The following ADAMTS6 variants were observed in gnomAD, a reference collection of about 807,000 sequenced individuals.
ADAMTS6 encodes A disintegrin and metalloproteinase with thrombospondin motifs 6.
In ADAMTS6, 23 loss-of-function variants were observed where a neutral mutation model predicts 144.3. The observed-to-expected ratio is 0.16, with a 90% CI of 0.11 to 0.23. ADAMTS6 has a LOEUF of 0.23. ADAMTS6 is among the 10% of genes least tolerant of loss of function. The pLI is 1.00. For missense variants in ADAMTS6, 999 were observed against 1,379.6 expected, an observed-to-expected ratio of 0.72 and a Z score of 4.37; for synonymous variants, 444 against 457.5, an observed-to-expected ratio of 0.97 and a Z score of 0.38.
chr5:65,449,697 GAAGTAGCTTACAA>G (rs1357936374), intron 7 of ADAMTS6, among the ~76,000 whole-genome samples: 1 of 151,966 alleles, frequency 6.6e-6, no homozygotes, highest in African/African-American at 2.4e-5. Flanking sequence ...AAAGGCACTC[GAAGTAGCTTACAA>G]AAGCAAAGAA....
At chr5:65,387,943 G>A (rs1752604564) in intron 7 of ADAMTS6, among the ~76,000 whole-genome samples, 1 of 152,158 alleles carries the variant, frequency 6.6e-6, no homozygotes, top group Non-Finnish European at 1.5e-5. Context: ...GGGCACGGTG[G>A]CTCACACCTG....
intron 7 of ADAMTS6, among the ~76,000 whole-genome samples, chr5:65,400,608 T>A (rs1367778509): frequency 6.6e-6 from 1 of 152,244 alleles, no homozygotes; most frequent in Non-Finnish European, 1.5e-5. Context: ...TTAATTTAGA[T>A]AAATTCTCGG....
intron 7 of ADAMTS6, among the ~76,000 whole-genome samples, chr5:65,434,524 C>T (rs540023083): frequency 7.9e-5 from 12 of 152,052 alleles, no homozygotes; most frequent in East Asian, 3.9e-4. Flanking sequence ...TATTCATCTA[C>T]GACATGAGGA....
chr5:65,461,099 T>G (rs1178359973), intron 3 of ADAMTS6, among the ~76,000 whole-genome samples: 4 of 152,218 alleles, frequency 2.6e-5, no homozygotes, highest in Non-Finnish European at 4.4e-5. Context: ...CTGCCCTTAC[T>G]TACAGTATTA....
At chr5:65,367,949 A>G (rs543958796) in intron 7 of ADAMTS6, among the ~76,000 whole-genome samples, 5 of 152,124 alleles carry the variant, frequency 3.3e-5, no homozygotes, top group African/African-American at 1.2e-4. Flanking sequence ...TGATTGTACC[A>G]TGGCATATTT....
At chr5:65,380,842 A>G (rs910804330) in intron 7 of ADAMTS6, among the ~76,000 whole-genome samples, 2 of 152,136 alleles carry the variant, frequency 1.3e-5, no homozygotes, top group Non-Finnish European at 2.9e-5. Flanking sequence ...AATACATATA[A>G]TATAAACATT....
At chr5:65,255,648 G>T (rs1760586581) in intron 14 of ADAMTS6, among the ~76,000 whole-genome samples, 1 of 151,528 alleles carries the variant, frequency 6.6e-6, no homozygotes, top group Non-Finnish European at 1.5e-5. Context: ...TAGGTGCTTG[G>T]ATGCTCTACT....
chr5:65,269,883 T>C (rs1400081236), intron 12 of ADAMTS6, among the ~76,000 whole-genome samples: 2 of 149,670 alleles, frequency 1.3e-5, no homozygotes, highest in African/African-American at 4.9e-5. Flanking sequence ...AACCTCCGCC[T>C]CCTGGGTTCA....
intron 15 of ADAMTS6, among the ~76,000 whole-genome samples, chr5:65,228,345 C>T (rs1757878860): frequency 6.6e-6 from 1 of 152,060 alleles, no homozygotes; most frequent in Admixed American, 6.6e-5. Flanking sequence ...GGTTATATTC[C>T]TTAGCCCACT....
chr5:65,295,757 C>T (rs1242356088), intron 10 of ADAMTS6, among the ~76,000 whole-genome samples: 1 of 151,942 alleles, frequency 6.6e-6, no homozygotes, highest in Non-Finnish European at 1.5e-5. Context: ...CAAAAAAATA[C>T]ATTAGTTTTA....
At chr5:65,260,728 T>C (rs557978363) in intron 13 of ADAMTS6, 65 bp from the exon 14 acceptor site, 3 of 1,257,980 alleles carry the variant, frequency 2.4e-6, no homozygotes, top group East Asian at 4.9e-5. Context: ...AGTATATATA[T>C]TACTTGATGA....
intron 24 of ADAMTS6, among the ~76,000 whole-genome samples, 191 bp from the exon 25 acceptor site, chr5:65,152,136 GAT>G: frequency 6.6e-6 from 1 of 152,148 alleles, no homozygotes; most frequent in East Asian, 1.9e-4. Context: ...ATATTCTTTT[GAT>G]ATATTTTAAC....
chr5:65,220,141 G>A (rs80321637), intron 18 of ADAMTS6, among the ~76,000 whole-genome samples: 4,634 of 152,098 alleles, frequency 0.03, 113 homozygotes, highest in Non-Finnish European at 0.043. Context: ...AATCATATAA[G>A]GTGTGTTTTC....
chr5:65,175,553 C>G (rs1363402682), intron 22 of ADAMTS6, among the ~76,000 whole-genome samples: 1 of 152,128 alleles, frequency 6.6e-6, no homozygotes, highest in South Asian at 2.1e-4. Context: ...CTGAGGACTT[C>G]CTATCAAAAA....
chr5:65,299,907 T>C, intron 10 of ADAMTS6, 78 bp downstream of exon 10: 1 of 1,477,172 alleles, frequency 6.8e-7, no homozygotes, highest in East Asian at 2.3e-5. Context: ...TATGCAAAGT[T>C]GAAAGCACTA....
intron 8 of ADAMTS6, among the ~76,000 whole-genome samples, chr5:65,333,032 C>T (rs567371137): frequency 6.6e-6 from 1 of 152,196 alleles, no homozygotes; most frequent in East Asian, 1.9e-4. Context: ...ACTTCCCAGG[C>T]AGTTGCATAA....
intron 18 of ADAMTS6, among the ~76,000 whole-genome samples, chr5:65,218,568 T>G (rs183848167): frequency 2.0e-5 from 3 of 152,192 alleles, no homozygotes; most frequent in Admixed American, 2.0e-4. Flanking sequence ...TATAAATATA[T>G]GCAAGAACTT....
At chr5:65,397,619 G>T (rs1753459030) in intron 7 of ADAMTS6, among the ~76,000 whole-genome samples, 1 of 152,024 alleles carries the variant, frequency 6.6e-6, no homozygotes, top group Admixed American at 6.6e-5. Flanking sequence ...GCTCACACCT[G>T]TAATCCCAGG....
At chr5:65,174,028 A>AAT in intron 22 of ADAMTS6, among the ~76,000 whole-genome samples, 1 of 151,714 alleles carries the variant, frequency 6.6e-6, no homozygotes, top group East Asian at 1.9e-4. Flanking sequence ...CTCAAAAAAA[A>AAT]AAAAAAATCT....
Sources: gnomAD v4.1 joint callset for allele counts (sites outside exome capture counted in the v4.1 genomes callset) on GRCh38, gnomAD v4.1.1 for gene constraint, MANE v1.5 for transcripts, NCBI Gene and HGNC (gene_info 2026-07-23, HGNC 2026-07-21) for gene names.